Variants in CTNNA2 observed in about 807,000 individuals in gnomAD.
CTNNA2 encodes catenin alpha 2.
A neutral mutation model predicts 101.0 loss-of-function variants in CTNNA2; 42 were observed. The ratio of observed to expected loss-of-function variants is 0.42; its 90% CI spans 0.32 to 0.54. The LOEUF (loss-of-function observed/expected upper bound fraction) is 0.54. Ranked by LOEUF, CTNNA2 falls within the 20% of genes least tolerant of loss-of-function variation. The pLI is 0.14. For synonymous variants in CTNNA2, 450 were observed against 456.4 expected (o/e 0.99, Z 0.18); for missense variants, 871 against 1,223.1 (o/e 0.71, Z 4.29).
chr2:79,917,357 C>G (rs773771793), intron 7 of CTNNA2, among the ~76,000 whole-genome samples: 2 of 152,066 alleles, frequency 1.3e-5, no homozygotes, highest in Non-Finnish European at 2.9e-5. Context: ...TGTGAGCCAC[C>G]GTGCCTGGCC....
chr2:80,160,628 A>G (rs908957975), intron 7 of CTNNA2, among the ~76,000 whole-genome samples: 1 of 152,182 alleles, frequency 6.6e-6, no homozygotes, highest in Non-Finnish European at 1.5e-5. Flanking sequence ...TTTCATGTAT[A>G]TTGTATCTTG....
At chr2:80,622,709 A>G (rs1671255165) in intron 18 of CTNNA2, among the ~76,000 whole-genome samples, 1 of 151,774 alleles carries the variant, frequency 6.6e-6, no homozygotes, top group Admixed American at 6.6e-5. Flanking sequence ...TGCGGTGGAT[A>G]TTTTGCCTCA....
At chr2:79,356,140 A>T (rs1677504016) in intron 3 of CTNNA2, among the ~76,000 whole-genome samples, 1 of 151,592 alleles carries the variant, frequency 6.6e-6, no homozygotes, top group South Asian at 2.1e-4. Flanking sequence ...CTTTTTATAT[A>T]TCTATCTTAA....
At chr2:79,327,967 TG>T (rs965531277) in intron 3 of CTNNA2, among the ~76,000 whole-genome samples, 67 of 147,520 alleles carry the variant, frequency 4.5e-4, no homozygotes, top group Admixed American at 1.2e-3. Flanking sequence ...GCCCTGGGCA[TG>T]GGGTTGCGGG....
chr2:79,500,519 T>A (rs1221193480), intron 4 of CTNNA2: 1 of 152,160 alleles, frequency 6.6e-6, no homozygotes, highest in Non-Finnish European at 1.5e-5. Flanking sequence ...CACAAAAAAT[T>A]GAAAGATTTT....
At chr2:79,296,207 T>G (rs919986945) in intron 2 of CTNNA2, among the ~76,000 whole-genome samples, 2 of 152,076 alleles carry the variant, frequency 1.3e-5, no homozygotes, top group African/African-American at 2.4e-5. Flanking sequence ...TAAAGAACAT[T>G]TCCCACAGCA....
chr2:80,462,743 G>C (rs73941134), intron 9 of CTNNA2, among the ~76,000 whole-genome samples: 2,175 of 148,532 alleles, frequency 0.015, 73 homozygotes, highest in African/African-American at 0.051. Flanking sequence ...AAGACACTAG[G>C]ACATGGTTTG....
chr2:79,962,743 T>A (rs1689733210), intron 7 of CTNNA2, among the ~76,000 whole-genome samples: 1 of 152,112 alleles, frequency 6.6e-6, no homozygotes, highest in Non-Finnish European at 1.5e-5. Context: ...TGGAGCCAGG[T>A]GCAGAAATTT....
chr2:79,986,454 T>C (rs1047063785), intron 7 of CTNNA2, among the ~76,000 whole-genome samples: 3 of 152,134 alleles, frequency 2.0e-5, no homozygotes, highest in African/African-American at 7.2e-5. Context: ...ACTGATAGTC[T>C]TATCAGTGAA....
At chr2:80,593,950 A>G (rs1300777000) in intron 15 of CTNNA2, among the ~76,000 whole-genome samples, 2 of 152,134 alleles carry the variant, frequency 1.3e-5, no homozygotes, top group African/African-American at 4.8e-5. Context: ...TGAGTGTATA[A>G]GTATGTAAGT....
At chr2:79,824,644 A>C (rs1198713651) in intron 3 of CTNNA2, among the ~76,000 whole-genome samples, 1 of 132,366 alleles carries the variant, frequency 7.6e-6, no homozygotes, top group Non-Finnish European at 1.8e-5. Flanking sequence ...ATGATCTTAC[A>C]CAAGATATTT....
intron 2 of CTNNA2, among the ~76,000 whole-genome samples, chr2:79,294,187 AAG>A (rs370058263): frequency 3.2e-4 from 48 of 148,248 alleles, no homozygotes; most frequent in South Asian, 2.8e-3. Flanking sequence ...GAGAGAGAGA[AAG>A]AGAGAGAGAG....
intron 16 of CTNNA2, among the ~76,000 whole-genome samples, chr2:80,607,462 C>G (rs114080580): frequency 6.6e-6 from 1 of 151,832 alleles, no homozygotes; most frequent in Non-Finnish European, 1.5e-5. Flanking sequence ...CCGCCTACTT[C>G]GGTCATAATG....
chr2:80,037,771 C>T (rs1695765720), intron 7 of CTNNA2, among the ~76,000 whole-genome samples: 1 of 152,090 alleles, frequency 6.6e-6, no homozygotes, highest in African/African-American at 2.4e-5. Context: ...TCTTTATTGT[C>T]ATTCATTCTG....
intron 2 of CTNNA2, among the ~76,000 whole-genome samples, chr2:79,709,262 A>G (rs1253209981): frequency 6.6e-6 from 1 of 152,206 alleles, no homozygotes; most frequent in Non-Finnish European, 1.5e-5. Flanking sequence ...CTGAGGATGA[A>G]GAATTTAACA....
In CTNNA2 at chr2:80,097,302, A is replaced by T. The variant is rs1700217268; in HGVS notation, c.1056+187505A>T. Among the ~76,000 whole-genome samples, 5 of 152,110 alleles carry T rather than the reference A, an allele frequency of 3.3e-5. No individual in the cohort carries two copies. In the South Asian group the frequency reaches 6.2e-4, roughly 19 times the overall value. On this transcript the variant is annotated intron_variant, in intron 7 of 18. Coordinates refer to ENST00000402739, the MANE Select transcript of CTNNA2 (RefSeq NM_001282597.3). ...CTGGATGTGAAATTCTGGGTTGAAAATTCTTTTCTTTAAGAATGTTGAATG... is the reference window on the plus strand; with the variant it reads ...CTGGATGTGAAATTCTGGGTTGAAATTTCTTTTCTTTAAGAATGTTGAATG...
intron 7 of CTNNA2, among the ~76,000 whole-genome samples, chr2:80,062,168 T>C (rs1462818350): frequency 6.6e-6 from 1 of 152,230 alleles, no homozygotes; most frequent in Non-Finnish European, 1.5e-5. Flanking sequence ...AGCTTCACAA[T>C]GGTCCTTTTA....
intron 4 of CTNNA2, among the ~76,000 whole-genome samples, chr2:79,376,195 G>A (rs11683598): frequency 0.3 from 45,117 of 151,878 alleles, 7,000 homozygotes; most frequent in Middle Eastern, 0.45. Flanking sequence ...CCAGAGTTAA[G>A]GTGCAGCAGA....
At chr2:79,437,510 A>G (rs182031881) in intron 4 of CTNNA2, among the ~76,000 whole-genome samples, 4 of 152,274 alleles carry the variant, frequency 2.6e-5, no homozygotes, top group African/African-American at 9.6e-5. Flanking sequence ...GAAACTTGTT[A>G]GAAATGCAGT....
Sources: gnomAD v4.1 joint callset for allele counts (sites outside exome capture counted in the v4.1 genomes callset) on GRCh38, gnomAD v4.1.1 for gene constraint, MANE v1.5 for transcripts, NCBI Gene and HGNC (gene_info 2026-07-23, HGNC 2026-07-21) for gene names.